LDAH: variants seen among roughly 807,000 people sequenced by gnomAD.
The protein encoded by LDAH is lipid droplet-associated hydrolase.
A neutral mutation model predicts 29.6 loss-of-function variants in LDAH; 26 were observed. The observed-to-expected ratio is 0.88, with a 90% CI of 0.64 to 1.22. The LOEUF is 1.22. Ranked by LOEUF, LDAH falls within the 50% of genes most tolerant of loss-of-function variation. The pLI, the probability that LDAH is intolerant of heterozygous loss-of-function variation, is 0.00. For missense variants in LDAH, 344 were observed against 387.3 expected, an observed-to-expected ratio of 0.89 and a Z score of 0.94; for synonymous variants, 117 against 133.0, an observed-to-expected ratio of 0.88 and a Z score of 0.83.
intron 1 of LDAH, among the ~76,000 whole-genome samples, chr2:20,803,336 GGA>G (rs1463704671): frequency 6.6e-6 from 1 of 152,172 alleles, no homozygotes; most frequent in Admixed American, 6.5e-5. Context: ...ACTATAGCCA[GGA>G]GCCCCAGACC....
intron 1 of LDAH, among the ~76,000 whole-genome samples, chr2:20,806,634 ATGTT>A: frequency 6.6e-6 from 1 of 152,048 alleles, no homozygotes. Flanking sequence ...CTTTTTAAAA[ATGTT>A]AAAAAAAATC....
chr2:20,690,174 G>GC (rs1291035865), intron 6 of LDAH, among the ~76,000 whole-genome samples: 1 of 151,846 alleles, frequency 6.6e-6, no homozygotes, highest in African/African-American at 2.4e-5. Context: ...GATTTGAGCA[G>GC]GGGTGATCAA....
chr2:20,739,703 T>C (rs1667037639), intron 5 of LDAH, among the ~76,000 whole-genome samples: 1 of 152,218 alleles, frequency 6.6e-6, no homozygotes, highest in Admixed American at 6.5e-5. Flanking sequence ...ATGTACTATA[T>C]GCGGAAGAAG....
chr2:20,773,553 A>C (rs998390595), intron 4 of LDAH, among the ~76,000 whole-genome samples: 1 of 152,200 alleles, frequency 6.6e-6, no homozygotes, highest in African/African-American at 2.4e-5. Context: ...TTAGGGAAAA[A>C]ACACCCAACA....
chr2:20,815,128 TAGAA>T (rs1672762823), intron 1 of LDAH, among the ~76,000 whole-genome samples: 1 of 151,932 alleles, frequency 6.6e-6, no homozygotes, highest in Non-Finnish European at 1.5e-5. Context: ...AATTACAAAA[TAGAA>T]AAAATACTAA....
chr2:20,692,583 C>T (rs1413994498), intron 6 of LDAH, among the ~76,000 whole-genome samples: 1 of 152,200 alleles, frequency 6.6e-6, no homozygotes, highest in Non-Finnish European at 1.5e-5. Flanking sequence ...GAAAGTTTTG[C>T]ATCTCTATAT....
intron 5 of LDAH, among the ~76,000 whole-genome samples, chr2:20,731,795 G>T (rs1666426992): frequency 6.7e-6 from 1 of 149,492 alleles, no homozygotes. Context: ...TGTTGAACTT[G>T]TATTAATTCT....
At chr2:20,719,979 A>G (rs1038248736) in intron 5 of LDAH, among the ~76,000 whole-genome samples, 6 of 152,168 alleles carry the variant, frequency 3.9e-5, no homozygotes, top group African/African-American at 1.4e-4. Context: ...CAATACCATA[A>G]GGGCAATATA....
chr2:20,722,146 C>A (rs113178254), intron 5 of LDAH, among the ~76,000 whole-genome samples: 4 of 151,830 alleles, frequency 2.6e-5, no homozygotes, highest in Non-Finnish European at 5.9e-5. Context: ...GAGGCCTAGG[C>A]GGGCGGATCA....
chr2:20,770,091 C>T (rs1358187479), intron 4 of LDAH, among the ~76,000 whole-genome samples: 1 of 152,080 alleles, frequency 6.6e-6, no homozygotes, highest in East Asian at 1.9e-4. Context: ...AGTGTTATTA[C>T]CACTGCCCTT....
chr2:20,816,224 CA>C (rs1177217092), intron 1 of LDAH, among the ~76,000 whole-genome samples: 2 of 151,936 alleles, frequency 1.3e-5, no homozygotes, highest in Non-Finnish European at 2.9e-5. Context: ...ATATGAAAAA[CA>C]GGAAATAAAC....
chr2:20,725,982 C>T (rs991091340), intron 5 of LDAH, among the ~76,000 whole-genome samples: 1 of 152,206 alleles, frequency 6.6e-6, no homozygotes, highest in Non-Finnish European at 1.5e-5. Flanking sequence ...CTCTGGACTG[C>T]CTATGCCTGG....
At chr2:20,799,601 C>T (rs1423636503) in intron 2 of LDAH, among the ~76,000 whole-genome samples, 2 of 152,088 alleles carry the variant, frequency 1.3e-5, no homozygotes, top group Non-Finnish European at 2.9e-5. Flanking sequence ...TAAATAAGTT[C>T]CAACAATAGA....
intron 5 of LDAH, among the ~76,000 whole-genome samples, chr2:20,707,828 G>A (rs1361288395): frequency 1.3e-5 from 2 of 152,222 alleles, no homozygotes; most frequent in East Asian, 3.8e-4. Context: ...AGGCAAGCAA[G>A]TGAAGCTTTA....
At chr2:20,768,517 G>A (rs957386746) in intron 4 of LDAH, among the ~76,000 whole-genome samples, 33 of 151,470 alleles carry the variant, frequency 2.2e-4, no homozygotes, top group African/African-American at 5.1e-4. Context: ...CCCCATACTC[G>A]CTCACACACA....
intron 6 of LDAH, among the ~76,000 whole-genome samples, chr2:20,694,576 T>G (rs1037135321): frequency 2.0e-5 from 3 of 152,254 alleles, no homozygotes; most frequent in Non-Finnish European, 4.4e-5. Flanking sequence ...ACTGGCTCAA[T>G]TACCATTCTT....
chr2:20,735,054 A>T (rs1000070606), intron 5 of LDAH, among the ~76,000 whole-genome samples: 67 of 152,004 alleles, frequency 4.4e-4, no homozygotes, highest in African/African-American at 1.5e-3. Context: ...CTTTCAAGAC[A>T]TTTTCTTTGT....
At chr2:20,737,943 T>C (rs1484264337) in intron 5 of LDAH, among the ~76,000 whole-genome samples, 1 of 152,046 alleles carries the variant, frequency 6.6e-6, no homozygotes, top group Admixed American at 6.6e-5. Context: ...TTCCTAATTT[T>C]GCTTTTAAGA....
Position 20,701,596 on chromosome 2 carries a change from C to T in LDAH, c.760G>A (p.Glu254Lys), listed in dbSNP as rs375981134. 3.5e-5 allele frequency: 56 copies of T among 1,613,918 alleles called. No individual in the cohort carries two copies. Among genetic ancestry groups the T allele is most frequent in the Middle Eastern group, 1.6e-4 (1 of 6,082 alleles). The part of the protein sequence containing the change: ...EMMEVVKRDD[E>K]TIKEHLCKLT... ...TTACATAAATGCTCCTTTATGGTTT[C>T]GTCATCTCTCTTCACCACCTCCATC... The change falls in exon 6 of 7, where the codon GAA becomes AAA. Residue 254 changes from glutamate to lysine, a missense_variant. Transcript: ENST00000237822.
Sources: allele counts gnomAD v4.1 joint callset (sites outside exome capture counted in the v4.1 genomes callset), GRCh38; gene constraint gnomAD v4.1.1; transcripts MANE v1.5; gene names NCBI Gene and HGNC (gene_info 2026-07-23, HGNC 2026-07-21).